The following FNBP1L variants were observed in gnomAD, a reference collection of about 807,000 sequenced individuals.
The protein encoded by FNBP1L is formin-binding protein 1-like.
In FNBP1L, 36 loss-of-function variants were observed where a neutral mutation model predicts 91.2. The observed-to-expected ratio is 0.39, with a 90% CI of 0.30 to 0.52. The LOEUF is 0.52. FNBP1L is among the 20% of genes least tolerant of loss of function. The pLI, the probability that FNBP1L is intolerant of heterozygous loss-of-function variation, is 0.66. For synonymous variants in FNBP1L, 242 were observed against 237.0 expected (o/e 1.02, Z -0.19); for missense variants, 571 against 732.1 (o/e 0.78, Z 2.54).
At chr1:93,513,117 A>G (rs1256933712) in intron 2 of FNBP1L, among the ~76,000 whole-genome samples, 1 of 152,212 alleles carries the variant, frequency 6.6e-6, no homozygotes, top group Admixed American at 6.5e-5. Context: ...AATACAAACG[A>G]CCATCAGAGA....
At chr1:93,449,173 T>C (rs1668391698) in intron 1 of FNBP1L, among the ~76,000 whole-genome samples, 1 of 152,294 alleles carries the variant, frequency 6.6e-6, no homozygotes, top group Non-Finnish European at 1.5e-5. Context: ...CTCCAGACAA[T>C]GCCCAGTGTC....
At chr1:93,538,691 TTA>T (rs1671927133) in intron 10 of FNBP1L, among the ~76,000 whole-genome samples, 1 of 152,092 alleles carries the variant, frequency 6.6e-6, no homozygotes, top group African/African-American at 2.4e-5. Flanking sequence ...GTAAGCCTGC[TTA>T]TATGTTTTTA....
chr1:93,491,511 TC>T (rs1344730372), intron 1 of FNBP1L, among the ~76,000 whole-genome samples: 2 of 152,058 alleles, frequency 1.3e-5, no homozygotes, highest in East Asian at 3.9e-4. Flanking sequence ...CATCTCAGCC[TC>T]CCCGGTAGCT....
chr1:93,519,649 A>G (rs907750309), intron 2 of FNBP1L, among the ~76,000 whole-genome samples: 2 of 152,184 alleles, frequency 1.3e-5, no homozygotes, highest in Non-Finnish European at 2.9e-5. Context: ...GACATATTAA[A>G]TATCAGCAAA....
chr1:93,529,571 C>A, intron 5 of FNBP1L, 81 bp from the exon 6 acceptor site: 1 of 837,410 alleles, frequency 1.2e-6, no homozygotes, highest in Admixed American at 3.6e-5. Context: ...GTTATTTCTC[C>A]TAATGCTCTC....
chr1:93,532,790 TA>T, intron 7 of FNBP1L, 131 bp from the exon 8 acceptor site: 2 of 559,386 alleles, frequency 3.6e-6, no homozygotes, highest in Non-Finnish European at 5.8e-6. Flanking sequence ...TAGCACTTGT[TA>T]AAAGGTATTA....
intron 1 of FNBP1L, among the ~76,000 whole-genome samples, chr1:93,495,894 TAGAAAC>T (rs1308375059): frequency 2.0e-5 from 3 of 152,350 alleles, no homozygotes; most frequent in African/African-American, 7.2e-5. Flanking sequence ...TTAAAATTCT[TAGAAAC>T]AGAAATCTTT....
intron 1 of FNBP1L, among the ~76,000 whole-genome samples, chr1:93,492,102 C>T (rs1046236831): frequency 2.0e-5 from 3 of 152,172 alleles, no homozygotes; most frequent in South Asian, 2.1e-4. Context: ...AGTGGAATCA[C>T]AGCACGCATG....
rs1219101710 is a variant in FNBP1L at position 93,551,611 on chromosome 1, T to C, written c.1810+506T>C. ...GAAGAAAAATAGTAGTTGGATAATT[T>C]AGTAAAATAATAACATCATTTTCAT... On this transcript the variant is annotated intron_variant, in intron 16 of 16. Coordinates refer to ENST00000271234, the MANE Select transcript of FNBP1L (RefSeq NM_001164473.3). The C allele has an allele frequency of 3.0e-6, 3 of 984,868 alleles. No individual in the cohort carries two copies. The Admixed American group carries it at 1.8e-4, about 61-fold the overall frequency. The allele number at this position is 984,868 out of a possible 1,614,324, so 61.0% of individuals were successfully genotyped here.
intron 5 of FNBP1L, among the ~76,000 whole-genome samples, chr1:93,527,173 G>A (rs995834013): frequency 6.6e-6 from 1 of 152,140 alleles, no homozygotes; most frequent in Non-Finnish European, 1.5e-5. Context: ...GGTTGTAACT[G>A]TATTACAAAC....
chr1:93,549,261 A>C lies in FNBP1L; in HGVS notation c.1503-17A>C. On this transcript the variant is annotated splice_polypyrimidine_tract_variant and intron_variant, in intron 14 of 16. Transcript: ENST00000271234. Reference sequence around the variant, plus strand: ...ATGTTTATGATACTTGATCAGAGATAATTTTTTGTTTTATAGTCCTGAGGG... The same window carrying C: ...ATGTTTATGATACTTGATCAGAGATCATTTTTTGTTTTATAGTCCTGAGGG... 2 of 1,590,644 alleles carry C rather than the reference A, an allele frequency of 1.3e-6. No homozygotes were observed. Among genetic ancestry groups the C allele is most frequent in the South Asian group, 1.2e-5 (1 of 86,468 alleles).
At chr1:93,523,175 CTT>C (rs1671386873) in intron 3 of FNBP1L, among the ~76,000 whole-genome samples, 167 bp from the exon 4 acceptor site, 1 of 152,130 alleles carries the variant, frequency 6.6e-6, no homozygotes, top group Admixed American at 6.5e-5. Context: ...ACATGTATGA[CTT>C]GAGCTTAATG....
chr1:93,515,611 T>G (rs936479475), intron 2 of FNBP1L, among the ~76,000 whole-genome samples: 1 of 151,956 alleles, frequency 6.6e-6, no homozygotes, highest in African/African-American at 2.4e-5. Context: ...TCATGTCCTT[T>G]GTAGGGACAT....
At chr1:93,514,542 AC>A (rs1670998623) in intron 2 of FNBP1L, among the ~76,000 whole-genome samples, 1 of 152,184 alleles carries the variant, frequency 6.6e-6, no homozygotes, top group Admixed American at 6.5e-5. Context: ...AGTAACCAAA[AC>A]AGCATGGTAC....
intron 1 of FNBP1L, among the ~76,000 whole-genome samples, chr1:93,483,144 G>A (rs1486759463): frequency 1.4e-5 from 2 of 143,732 alleles, no homozygotes; most frequent in Non-Finnish European, 3.0e-5. Flanking sequence ...GAGCTGTGAT[G>A]GTGCCACTGC....
At chr1:93,492,526 C>T (rs866955671) in intron 1 of FNBP1L, among the ~76,000 whole-genome samples, 1 of 152,198 alleles carries the variant, frequency 6.6e-6, no homozygotes, top group African/African-American at 2.4e-5. Context: ...GGTGTCTTGT[C>T]TTGGACTTAG....
chr1:93,451,930 G>A (rs1361980681), intron 1 of FNBP1L, among the ~76,000 whole-genome samples: 2 of 152,178 alleles, frequency 1.3e-5, no homozygotes, highest in African/African-American at 2.4e-5. Flanking sequence ...GTTTACAGGC[G>A]TGAGCCACCG....
intron 2 of FNBP1L, among the ~76,000 whole-genome samples, chr1:93,506,654 G>GCCTCTCAA (rs1293666928): frequency 6.6e-6 from 1 of 152,120 alleles, no homozygotes; most frequent in Non-Finnish European, 1.5e-5. Context: ...TTAGAACTCA[G>GCCTCTCAA]CCTCTCAAAT....
chr1:93,525,139 C>G (rs565895414), intron 5 of FNBP1L, among the ~76,000 whole-genome samples: 1 of 150,888 alleles, frequency 6.6e-6, no homozygotes, highest in African/African-American at 2.4e-5. Context: ...CTCAAGTTAT[C>G]GAACAGTTTA....
Sources: allele counts gnomAD v4.1 joint callset (sites outside exome capture counted in the v4.1 genomes callset), GRCh38; gene constraint gnomAD v4.1.1; transcripts MANE v1.5; gene names NCBI Gene and HGNC (gene_info 2026-07-23, HGNC 2026-07-21).